The following EPHA6 variants were observed in gnomAD, a reference collection of about 807,000 sequenced individuals.
The protein encoded by EPHA6 is EPH receptor A6.
In EPHA6, 50 loss-of-function variants were observed where a neutral mutation model predicts 112.0. The ratio of observed to expected loss-of-function variants is 0.45; its 90% CI spans 0.36 to 0.56. The LOEUF (loss-of-function observed/expected upper bound fraction) is 0.56. Ranked by LOEUF, EPHA6 falls within the 20% of genes least tolerant of loss-of-function variation. The probability of loss-of-function intolerance (pLI) is 0.00; values close to 1 mark genes in which losing one functional copy is unlikely to be tolerated. For missense variants in EPHA6, 1,280 were observed against 1,417.4 expected (o/e 0.90, Z 1.56); for synonymous variants, 529 against 490.7 (o/e 1.08, Z -1.03).
intron 14 of EPHA6, among the ~76,000 whole-genome samples, chr3:97,668,158 A>C (rs930789153): frequency 2.0e-5 from 3 of 152,226 alleles, no homozygotes; most frequent in Admixed American, 6.5e-5. Flanking sequence ...GAGAGTTACC[A>C]ACTGCCCTCA....
intron 15 of EPHA6, among the ~76,000 whole-genome samples, chr3:97,729,973 T>C (rs1025301309): frequency 1.3e-5 from 2 of 152,086 alleles, no homozygotes; most frequent in African/African-American, 4.8e-5. Flanking sequence ...CTAGTGTACA[T>C]TTCAGCCCTT....
intron 5 of EPHA6, among the ~76,000 whole-genome samples, chr3:97,308,353 G>T (rs966765089): frequency 1.3e-5 from 2 of 151,664 alleles, no homozygotes; most frequent in African/African-American, 4.8e-5. Flanking sequence ...AAGAAAGATT[G>T]GAGTACTCAA....
intron 11 of EPHA6, among the ~76,000 whole-genome samples, chr3:97,551,878 C>T (rs2107089237): frequency 6.6e-6 from 1 of 152,062 alleles, no homozygotes; most frequent in South Asian, 2.1e-4. Flanking sequence ...GGGACTTGAG[C>T]AAAGAAAAAG....
At chr3:97,485,222 T>C (rs2091670748) in intron 10 of EPHA6, among the ~76,000 whole-genome samples, 1 of 152,208 alleles carries the variant, frequency 6.6e-6, no homozygotes, top group Non-Finnish European at 1.5e-5. Flanking sequence ...CCTCTGTTTC[T>C]TTCAAAGTCC....
chr3:97,600,179 G>A lies in EPHA6; in HGVS notation c.2512+7442G>A, dbSNP rs2093631708. ...AGGAGATTTTGGGCTGAGACAATGG[G>A]GTTTTCTAGATATACAATCATGTCG... On this transcript the variant is annotated intron_variant, in intron 12 of 17. Coordinates refer to ENST00000389672, the MANE Select transcript of EPHA6 (RefSeq NM_001080448.3). Among the ~76,000 whole-genome samples, 4 of 150,576 alleles carry A rather than the reference G, an allele frequency of 2.7e-5. No individual in the cohort carries two copies. In the South Asian group the frequency reaches 8.5e-4, roughly 32 times the overall value.
intron 16 of EPHA6, among the ~76,000 whole-genome samples, chr3:97,736,470 A>AGTGTGTGTGTGT (rs376497031): frequency 8.4e-6 from 1 of 118,812 alleles, no homozygotes; most frequent in African/African-American, 3.5e-5. Context: ...AGAGAGAGAG[A>AGTGTGTGTGTGT]GTGTGTGTGT....
At chr3:97,636,578 A>T (rs968881338) in intron 13 of EPHA6, among the ~76,000 whole-genome samples, 1 of 152,046 alleles carries the variant, frequency 6.6e-6, no homozygotes, top group Non-Finnish European at 1.5e-5. Context: ...TATCAGAGAG[A>T]TAAGTTGATA....
intron 5 of EPHA6, among the ~76,000 whole-genome samples, chr3:97,325,334 G>T (rs757785623): frequency 6.6e-6 from 1 of 152,104 alleles, no homozygotes; most frequent in East Asian, 1.9e-4. Context: ...ACCTTGGCTT[G>T]CAGATGGCCT....
chr3:97,105,025 TTC>T (rs2047522098), intron 3 of EPHA6, among the ~76,000 whole-genome samples: 1 of 152,066 alleles, frequency 6.6e-6, no homozygotes, highest in African/African-American at 2.4e-5. Context: ...TATATGGATC[TTC>T]TCTCTTTTCT....
chr3:97,607,964 C>T (rs1408337926), intron 12 of EPHA6, among the ~76,000 whole-genome samples: 1 of 150,936 alleles, frequency 6.6e-6, no homozygotes, highest in Non-Finnish European at 1.5e-5. Context: ...TTCCCCTGTA[C>T]TTATCTATTT....
At chr3:97,371,359 A>T (rs2085042395) in intron 5 of EPHA6, among the ~76,000 whole-genome samples, 1 of 152,114 alleles carries the variant, frequency 6.6e-6, no homozygotes, top group Non-Finnish European at 1.5e-5. Flanking sequence ...TGAAGATTTC[A>T]TGGACATTTA....
chr3:97,265,922 A>G (rs950823407), intron 5 of EPHA6, among the ~76,000 whole-genome samples: 1 of 152,240 alleles, frequency 6.6e-6, no homozygotes, highest in Non-Finnish European at 1.5e-5. Context: ...AAAAGCAGGC[A>G]TTGGGCTTGA....
chr3:96,898,610 A>T (rs1333091446), intron 2 of EPHA6, among the ~76,000 whole-genome samples: 1 of 152,220 alleles, frequency 6.6e-6, no homozygotes, highest in Non-Finnish European at 1.5e-5. Flanking sequence ...AGATAATTTC[A>T]GTAACCCATT....
chr3:97,391,359 G>A (rs537783171), intron 5 of EPHA6, among the ~76,000 whole-genome samples: 10 of 152,008 alleles, frequency 6.6e-5, no homozygotes, highest in East Asian at 1.9e-4. Context: ...ACTAGGTCCC[G>A]TGGGCGGTTT....
At chr3:97,453,921 C>T (rs1255409307) in intron 7 of EPHA6, among the ~76,000 whole-genome samples, 4 of 151,684 alleles carry the variant, frequency 2.6e-5, no homozygotes, top group Non-Finnish European at 5.9e-5. Context: ...TAAATCATTG[C>T]ATATGTTGTA....
chr3:97,640,978 T>C, intron 14 of EPHA6, among the ~76,000 whole-genome samples: 1 of 152,266 alleles, frequency 6.6e-6, no homozygotes, highest in Non-Finnish European at 1.5e-5. Context: ...GTTCATTATA[T>C]GTTCATTATG....
At chr3:97,379,751 C>CAA (rs71623570) in intron 5 of EPHA6, among the ~76,000 whole-genome samples, 1,138 of 30,526 alleles carry the variant, frequency 0.037, 311 homozygotes, top group African/African-American at 0.057. Flanking sequence ...TCTGTCTCCC[C>CAA]AAAAAAAAAA....
chr3:96,861,664 G>C (rs2036014378), intron 1 of EPHA6, among the ~76,000 whole-genome samples: 1 of 151,782 alleles, frequency 6.6e-6, no homozygotes, highest in African/African-American at 2.4e-5. Context: ...TGAAGGGATA[G>C]ATAAAATTAA....
intron 3 of EPHA6, among the ~76,000 whole-genome samples, chr3:97,096,274 C>CA (rs1491210043): frequency 6.4e-5 from 9 of 140,786 alleles, no homozygotes; most frequent in African/African-American, 2.7e-4. Context: ...CACATACACA[C>CA]CCACACACAC....
Sources: gnomAD v4.1 joint callset for allele counts (sites outside exome capture counted in the v4.1 genomes callset) on GRCh38, gnomAD v4.1.1 for gene constraint, MANE v1.5 for transcripts, NCBI Gene and HGNC (gene_info 2026-07-23, HGNC 2026-07-21) for gene names.